Variants in TPRG1 observed in about 807,000 individuals in gnomAD.
TPRG1 encodes tumor protein p63 regulated 1, also known as tumor protein p63-regulated gene 1 protein.
A neutral mutation model predicts 29.3 loss-of-function variants in TPRG1; 29 were observed. The ratio of observed to expected loss-of-function variants is 0.99; its 90% CI spans 0.74 to 1.35. The LOEUF (loss-of-function observed/expected upper bound fraction) is 1.35. TPRG1 is among the 40% of genes most tolerant of loss of function. TPRG1 has a pLI of 0.00. For synonymous variants in TPRG1, 130 were observed against 116.8 expected (o/e 1.11, Z -0.73); for missense variants, 327 against 335.0 (o/e 0.98, Z 0.19).
intron 3 of TPRG1, among the ~76,000 whole-genome samples, chr3:189,014,059 G>A (rs187032611): frequency 1.3e-5 from 2 of 152,250 alleles, no homozygotes; most frequent in African/African-American, 4.8e-5. Context: ...ATGCTAGCTG[G>A]TTACTTTGCA....
chr3:189,068,772 T>G (rs973575649), intron 4 of TPRG1, among the ~76,000 whole-genome samples: 7 of 148,886 alleles, frequency 4.7e-5, no homozygotes, highest in African/African-American at 1.5e-4. Context: ...CGAAACTCTG[T>G]CTCAAAAAAG....
rs200037471 is a variant in TPRG1, at chr3:189,176,104, C to A, written c.-10+3973C>A. Among the ~76,000 whole-genome samples, 4 of 152,130 alleles carry A rather than the reference C, an allele frequency of 2.6e-5. No individual in the cohort carries two copies. In the South Asian group the frequency reaches 6.2e-4, roughly 24 times the overall value. ...TTTGTTTTGCAAAGGGCTACACTGT[C>A]ACCAAAGCAATATTTAATATTTACA... On this transcript the variant is annotated intron_variant, in intron 1 of 5. Transcript: ENST00000345063.
At chr3:189,239,832 AT>A (rs1740224114) in intron 4 of TPRG1, among the ~76,000 whole-genome samples, 1 of 152,188 alleles carries the variant, frequency 6.6e-6, no homozygotes, top group South Asian at 2.1e-4. Context: ...GATGTTGACA[AT>A]TACCAAGAGA....
intron 4 of TPRG1, among the ~76,000 whole-genome samples, chr3:189,093,287 T>A (rs1378050675): frequency 6.6e-6 from 1 of 152,216 alleles, no homozygotes; most frequent in Non-Finnish European, 1.5e-5. Context: ...CTTGGGTTTA[T>A]GTTTAGACCT....
chr3:189,050,183 C>T (rs1052100906), intron 4 of TPRG1, among the ~76,000 whole-genome samples: 3 of 151,868 alleles, frequency 2.0e-5, no homozygotes, highest in Non-Finnish European at 4.4e-5. Context: ...ATTGATAGAC[C>T]ATTGGCAAGA....
intron 4 of TPRG1, among the ~76,000 whole-genome samples, chr3:189,092,354 T>G (rs949927030): frequency 2.0e-5 from 3 of 152,126 alleles, no homozygotes; most frequent in Non-Finnish European, 4.4e-5. Context: ...GGACCACACT[T>G]TAAGTATCAA....
At chr3:189,068,815 G>A (rs1716632950) in intron 4 of TPRG1, among the ~76,000 whole-genome samples, 1 of 151,260 alleles carries the variant, frequency 6.6e-6, no homozygotes, top group African/African-American at 2.4e-5. Context: ...AGGGAGGGAG[G>A]AGGGAGGAGG....
At chr3:189,199,202 C>T (rs967983495) in intron 1 of TPRG1, among the ~76,000 whole-genome samples, 5 of 152,104 alleles carry the variant, frequency 3.3e-5, no homozygotes, top group Non-Finnish European at 7.4e-5. Context: ...AATTCATGAC[C>T]GTTATCACAA....
At chr3:189,140,096 T>C (rs1265744904) in intron 3 of TPRG1, among the ~76,000 whole-genome samples, 1 of 152,212 alleles carries the variant, frequency 6.6e-6, no homozygotes, top group African/African-American at 2.4e-5. Context: ...CTTGATGCTC[T>C]GTAGTCGTAA....
chr3:189,044,756 T>C (rs1251537481), intron 4 of TPRG1, among the ~76,000 whole-genome samples: 5 of 152,188 alleles, frequency 3.3e-5, no homozygotes, highest in Admixed American at 6.5e-5. Context: ...GGTGGTCTTC[T>C]TGAGGAGAAA....
At chr3:189,182,565 A>C (rs1450347780) in intron 1 of TPRG1, among the ~76,000 whole-genome samples, 1 of 152,190 alleles carries the variant, frequency 6.6e-6, no homozygotes, top group Non-Finnish European at 1.5e-5. Context: ...GAATTTGGCC[A>C]TGTATACCAA....
intron 4 of TPRG1, among the ~76,000 whole-genome samples, chr3:189,040,047 C>G (rs2152134029): frequency 6.6e-6 from 1 of 152,254 alleles, no homozygotes; most frequent in South Asian, 2.1e-4. Flanking sequence ...GTTATGTAAG[C>G]TCTTTCTATA....
At chr3:189,250,131 T>C (rs1242933393) in intron 4 of TPRG1, among the ~76,000 whole-genome samples, 1 of 152,308 alleles carries the variant, frequency 6.6e-6, no homozygotes, top group Admixed American at 6.5e-5. Flanking sequence ...GCCTTCCTAA[T>C]TAACCTGTGC....
chr3:189,091,701 CCTT>C (rs1247895443), intron 4 of TPRG1, among the ~76,000 whole-genome samples: 1 of 152,094 alleles, frequency 6.6e-6, no homozygotes, highest in African/African-American at 2.4e-5. Flanking sequence ...TCCTCTGTTA[CCTT>C]CTATTTTCAG....
chr3:189,112,784 T>C (rs976486684), intron 1 of TPRG1, among the ~76,000 whole-genome samples: 19 of 152,212 alleles, frequency 1.2e-4, no homozygotes, highest in Admixed American at 9.2e-4. Flanking sequence ...CGTAGCCTTG[T>C]AGTATAGTTT....
chr3:189,133,045 A>G (rs1723284061), intron 3 of TPRG1, among the ~76,000 whole-genome samples: 1 of 152,224 alleles, frequency 6.6e-6, no homozygotes, highest in African/African-American at 2.4e-5. Context: ...GGTGCAAGGA[A>G]AACAGAGGTG....
rs75208447 is a variant in TPRG1 at position 189,159,161 on chromosome 3, A to G, written c.-10+8289A>G. 0.011 allele frequency among the ~76,000 whole-genome samples: 1,730 copies of G among 152,242 alleles called. 57 individuals carry two copies. The East Asian group carries it at 0.14, about 13-fold the overall frequency. On this transcript the variant is annotated intron_variant, in intron 5 of 6. Transcript: ENST00000412373. ...TTTGTTTTCACAACTTTTGGTTTCA[A>G]TGCTAAATCATAATAAACTTGTAAA...
At position 189,269,820 on chromosome 3, in the gene TPRG1, A is replaced by C. The variant is rs146438436; in HGVS notation, c.479+30911A>C. On this transcript the variant is annotated intron_variant, in intron 4 of 5. Coordinates refer to ENST00000345063, the MANE Select transcript of TPRG1 (RefSeq NM_198485.4). Reference sequence around the variant, plus strand: ...CTGAGAGTAAGACTTAAAGATGGGTAAACAGCTAAGGAGTTTTTTCATTGA... The same window carrying C: ...CTGAGAGTAAGACTTAAAGATGGGTCAACAGCTAAGGAGTTTTTTCATTGA... 7.4e-4 allele frequency among the ~76,000 whole-genome samples: 112 copies of C among 152,324 alleles called. 1 individual carries two copies. The East Asian group carries it at 0.02, about 28-fold the overall frequency.
intron 4 of TPRG1, among the ~76,000 whole-genome samples, chr3:189,051,712 C>T (rs150485406): frequency 2.4e-3 from 363 of 152,232 alleles, no homozygotes; most frequent in African/African-American, 8.4e-3. Context: ...AGACCATAGT[C>T]ACCAAAACAG....
Sources: gnomAD v4.1 joint callset for allele counts (sites outside exome capture counted in the v4.1 genomes callset) on GRCh38, gnomAD v4.1.1 for gene constraint, MANE v1.5 for transcripts, NCBI Gene and HGNC (gene_info 2026-07-23, HGNC 2026-07-21) for gene names.